The following SLCO3A1 variants were observed in gnomAD, a reference collection of about 807,000 sequenced individuals.
The protein encoded by SLCO3A1 is solute carrier organic anion transporter family member 3A1, also known as PGE1 transporter.
SLCO3A1 carries 27 observed loss-of-function variants against 63.1 expected under a neutral mutation model. The ratio of observed to expected loss-of-function variants is 0.43; its 90% CI spans 0.32 to 0.59. SLCO3A1 has a LOEUF of 0.59. Ranked by LOEUF, SLCO3A1 falls within the 20% of genes least tolerant of loss-of-function variation. The probability of loss-of-function intolerance (pLI) is 0.09; values close to 1 mark genes in which losing one functional copy is unlikely to be tolerated. For missense variants in SLCO3A1, 773 were observed against 945.8 expected, an observed-to-expected ratio of 0.82 and a Z score of 2.40; for synonymous variants, 473 against 409.9, an observed-to-expected ratio of 1.15 and a Z score of -1.86.
intron 2 of SLCO3A1, among the ~76,000 whole-genome samples, chr15:91,934,160 T>C (rs1899327025): frequency 6.6e-6 from 1 of 152,164 alleles, no homozygotes. Context: ...TCTTACCTTG[T>C]AAGTACCATA....
At chr15:92,020,284 C>T (rs969433143) in intron 2 of SLCO3A1, among the ~76,000 whole-genome samples, 4 of 152,162 alleles carry the variant, frequency 2.6e-5, no homozygotes, top group African/African-American at 9.7e-5. Flanking sequence ...ATCCATCCAT[C>T]CATCCATCTA....
At chr15:91,921,507 T>C (rs1285527375) in intron 2 of SLCO3A1, among the ~76,000 whole-genome samples, 2 of 152,224 alleles carry the variant, frequency 1.3e-5, no homozygotes, top group African/African-American at 4.8e-5. Context: ...AGCTGTATTG[T>C]AATTTTTCTC....
chr15:92,165,327 ATATG>A lies in SLCO3A1; in HGVS notation c.*2198_*2201del, dbSNP rs1371044553. The A allele has an allele frequency of 4.6e-5, 45 of 985,178 alleles. No homozygotes were observed. The Admixed American group carries it at 1.1e-3, about 24-fold the overall frequency. 61.0% of individuals were successfully genotyped at this position (985,178 alleles called of 1,614,324 possible). A position where few individuals can be genotyped will look rare whatever the true frequency, so the allele number is the denominator to read the frequency against. On this transcript the variant is annotated 3_prime_UTR_variant, in exon 10 of 10. Coordinates refer to ENST00000318445, the MANE Select transcript of SLCO3A1 (RefSeq NM_013272.4). ...GATGGTTCTCCAACCACTTCATAAA[ATATG>A]TATGTTCTGTTGTTCCTAAGGCTTT...
rs150549727 is a variant in SLCO3A1, at chr15:92,121,706, A to G, written c.1174+1077A>G. ...TGTAGAGTTAAAAAAAGATAGGTGA[A>G]ACCCCAACCTGAAGAAATAGAGGAG... On this transcript the variant is annotated intron_variant, in intron 5 of 9. Transcript: ENST00000318445. 2.1e-3 allele frequency among the ~76,000 whole-genome samples: 319 copies of G among 152,282 alleles called. 2 individuals are homozygous for G. The highest frequency in any genetic ancestry group is 1.4e-3 in the East Asian group (7 of 5,184).
chr15:91,972,120 G>A (rs1900898820), intron 2 of SLCO3A1, among the ~76,000 whole-genome samples: 1 of 152,134 alleles, frequency 6.6e-6, no homozygotes, highest in Non-Finnish European at 1.5e-5. Context: ...AGGGGTGAGG[G>A]AGAGGGTTTT....
intron 2 of SLCO3A1, among the ~76,000 whole-genome samples, chr15:91,989,257 ATCT>A (rs1351736197): frequency 1.3e-5 from 2 of 152,026 alleles, no homozygotes; most frequent in Non-Finnish European, 2.9e-5. Flanking sequence ...TCCCTGTTCC[ATCT>A]TCTTTCTGTA....
intron 2 of SLCO3A1, among the ~76,000 whole-genome samples, chr15:91,944,867 T>G (rs762610934): frequency 6.6e-5 from 10 of 152,128 alleles, no homozygotes; most frequent in Non-Finnish European, 1.0e-4. Context: ...AACAGAAACC[T>G]TGCACTTCCC....
At chr15:91,889,264 G>A in intron 1 of SLCO3A1, 1 of 787,292 alleles carries the variant, frequency 1.3e-6, no homozygotes, top group Non-Finnish European at 1.9e-6. Context: ...GACCTGGAGT[G>A]CATTTGCAAC....
At chr15:91,965,083 G>A (rs555378518) in intron 2 of SLCO3A1, among the ~76,000 whole-genome samples, 3 of 152,210 alleles carry the variant, frequency 2.0e-5, no homozygotes, top group East Asian at 1.9e-4. Flanking sequence ...AGGGAGAGGG[G>A]GCTGTGGGGA....
At chr15:91,858,145 A>G (rs1896970343) in intron 1 of SLCO3A1, among the ~76,000 whole-genome samples, 1 of 152,170 alleles carries the variant, frequency 6.6e-6, no homozygotes, top group African/African-American at 2.4e-5. Flanking sequence ...CATCATTTCG[A>G]AGATGAGTTT....
intron 4 of SLCO3A1, among the ~76,000 whole-genome samples, chr15:92,109,282 G>A (rs1245378931): frequency 6.6e-6 from 1 of 152,122 alleles, no homozygotes; most frequent in African/African-American, 2.4e-5. Context: ...TTTAACCATG[G>A]CATTATGCTG....
chr15:92,077,495 CA>C (rs2047292732), intron 2 of SLCO3A1, among the ~76,000 whole-genome samples: 1 of 152,228 alleles, frequency 6.6e-6, no homozygotes, highest in Non-Finnish European at 1.5e-5. Flanking sequence ...CTGCTTCAGC[CA>C]CACCAGTGAG....
chr15:91,925,711 C>A (rs1898990828), intron 2 of SLCO3A1, among the ~76,000 whole-genome samples: 1 of 152,110 alleles, frequency 6.6e-6, no homozygotes, highest in Admixed American at 6.6e-5. Context: ...ACTGAAAGAA[C>A]TCTGAATACC....
At chr15:91,956,212 T>A (rs1294494768) in intron 2 of SLCO3A1, among the ~76,000 whole-genome samples, 1 of 152,162 alleles carries the variant, frequency 6.6e-6, no homozygotes, top group African/African-American at 2.4e-5. Context: ...GTTTCTGGCG[T>A]TCTACAGAAT....
chr15:91,901,901 T>TA (rs1898166348), intron 1 of SLCO3A1, among the ~76,000 whole-genome samples: 2 of 117,198 alleles, frequency 1.7e-5, no homozygotes, highest in African/African-American at 6.5e-5. Context: ...CATTATTTCT[T>TA]CAATTTTTTT....
At chr15:91,951,511 C>T (rs923743975) in intron 2 of SLCO3A1, among the ~76,000 whole-genome samples, 6 of 151,728 alleles carry the variant, frequency 4.0e-5, no homozygotes, top group East Asian at 3.9e-4. Context: ...AAGGCTCCTC[C>T]GATCACTCGT....
At chr15:92,046,286 G>T (rs973402613) in intron 2 of SLCO3A1, among the ~76,000 whole-genome samples, 1 of 152,012 alleles carries the variant, frequency 6.6e-6, no homozygotes, top group African/African-American at 2.4e-5. Flanking sequence ...AGGCCGAGAC[G>T]GATGGGTCAC....
Position 91,895,171 on chromosome 15 carries a change from C to T in SLCO3A1, c.181-20822C>T, listed in dbSNP as rs960446810. Among the ~76,000 whole-genome samples, 7 of 152,122 alleles carry T rather than the reference C, an allele frequency of 4.6e-5. No homozygotes were observed. In the East Asian group the frequency reaches 9.7e-4, roughly 21 times the overall value. On this transcript the variant is annotated intron_variant, in intron 1 of 9. Coordinates refer to ENST00000318445, the MANE Select transcript of SLCO3A1 (RefSeq NM_013272.4). ...CCTTTAAAGCAAAATGAGCTGTGGGCGTGAAGGCAGTGTGACTCCCTGTGT... is the reference window on the plus strand; with the variant it reads ...CCTTTAAAGCAAAATGAGCTGTGGGTGTGAAGGCAGTGTGACTCCCTGTGT...
At chr15:92,046,327 C>A (rs535730280) in intron 2 of SLCO3A1, among the ~76,000 whole-genome samples, 1 of 151,356 alleles carries the variant, frequency 6.6e-6, no homozygotes, top group Non-Finnish European at 1.5e-5. Context: ...CCAGCCTGGC[C>A]AACATGGTGA....
Sources: allele counts gnomAD v4.1 joint callset (sites outside exome capture counted in the v4.1 genomes callset), GRCh38; gene constraint gnomAD v4.1.1; transcripts MANE v1.5; gene names NCBI Gene and HGNC (gene_info 2026-07-23, HGNC 2026-07-21).